TRIM36: variants seen among roughly 807,000 people sequenced by gnomAD.
TRIM36 encodes tripartite motif containing 36.
In TRIM36, 42 loss-of-function variants were observed where a neutral mutation model predicts 72.4. The observed-to-expected ratio is 0.58, with a 90% confidence interval of 0.45 to 0.75. The LOEUF (loss-of-function observed/expected upper bound fraction) is 0.75. Among genes scored for constraint, TRIM36 ranks in the 30% least tolerant of loss-of-function variants. The pLI is 0.00. For missense variants in TRIM36, 913 were observed against 857.1 expected, an observed-to-expected ratio of 1.07 and a Z score of -0.81; for synonymous variants, 315 against 282.8, an observed-to-expected ratio of 1.11 and a Z score of -1.14.
chr5:115,139,287 AT>A (rs552960488), intron 5 of TRIM36, among the ~76,000 whole-genome samples: 68 of 150,870 alleles, frequency 4.5e-4, no homozygotes, highest in African/African-American at 1.5e-3. Context: ...GGCCAGGCTA[AT>A]TTTTTTGTAT....
upstream of TRIM36, among the ~76,000 whole-genome samples, chr5:115,173,541 T>C (rs894511721): frequency 1.3e-5 from 2 of 151,488 alleles, no homozygotes; most frequent in African/African-American, 2.4e-5. Context: ...TGTGTGTGTG[T>C]GTGCGCGCAC....
upstream of TRIM36, chr5:115,171,187 C>T: frequency 1.2e-6 from 2 of 1,614,196 alleles, no homozygotes; most frequent in Non-Finnish European, 1.7e-6. Context: ...TCCCACAGCC[C>T]TGTCTGCAGC....
intron 2 of TRIM36, among the ~76,000 whole-genome samples, chr5:115,154,190 C>G (rs1369713214): frequency 1.4e-5 from 2 of 140,680 alleles, no homozygotes; most frequent in Admixed American, 1.6e-4. Context: ...AAAGGCAGTG[C>G]TAAGACGAAA....
intron 2 of TRIM36, 57 bp downstream of exon 2, chr5:115,163,461 A>C: frequency 1.4e-6 from 2 of 1,432,456 alleles, no homozygotes; most frequent in Non-Finnish European, 2.0e-6. Flanking sequence ...TTACCACTGA[A>C]TATATATCTA....
chr5:115,136,600 G>A (rs955338604), intron 7 of TRIM36, among the ~76,000 whole-genome samples: 1 of 151,812 alleles, frequency 6.6e-6, no homozygotes, highest in Non-Finnish European at 1.5e-5. Flanking sequence ...GCGACACAGC[G>A]TTGCTCATAA....
At chr5:115,129,979 A>T in intron 9 of TRIM36, among the ~76,000 whole-genome samples, 1 of 152,326 alleles carries the variant, frequency 6.6e-6, no homozygotes. Context: ...AATTTTCAGC[A>T]TTATATAAAT....
chr5:115,170,686 C>T (rs1755069256), upstream of TRIM36, among the ~76,000 whole-genome samples: 2 of 152,274 alleles, frequency 1.3e-5, no homozygotes, highest in South Asian at 4.1e-4. Context: ...CCCAGTAGCG[C>T]GGGGACCGCC....
chr5:115,166,013 G>A (rs1754757143), intron 1 of TRIM36, among the ~76,000 whole-genome samples: 1 of 152,178 alleles, frequency 6.6e-6, no homozygotes, highest in South Asian at 2.1e-4. Flanking sequence ...GAACGTGGGA[G>A]GGAGGCCAAG....
At chr5:115,154,266 C>T (rs1329091817) in intron 2 of TRIM36, among the ~76,000 whole-genome samples, 6 of 151,410 alleles carry the variant, frequency 4.0e-5, no homozygotes. Flanking sequence ...CTAAGGATAC[C>T]CCTCTAGAAA....
chr5:115,125,436 G>T lies in TRIM36; in HGVS notation c.*1067C>A, dbSNP rs141412241. On this transcript the variant is annotated 3_prime_UTR_variant, in exon 10 of 10. Transcript: ENST00000513154. ...TTTGTATTTTTACTTGCTTATATTA[G>T]AAATGCTTATTACCAATGAGAAACA... is the stretch of plus-strand genomic sequence containing the variant. 1,115 of 152,052 alleles carry T rather than the reference G, an allele frequency of 7.3e-3. 18 individuals carry two copies. The highest frequency in any genetic ancestry group is 0.026 in the African/African-American group (1,060 of 41,504). The allele number at this position is 152,052 out of a possible 1,614,324, so 9.4% of individuals were successfully genotyped here. A position where few individuals can be genotyped will look rare whatever the true frequency, so the allele number is the denominator to read the frequency against.
intron 2 of TRIM36, among the ~76,000 whole-genome samples, chr5:115,151,901 C>T (rs1185698341): frequency 6.6e-6 from 1 of 152,202 alleles, no homozygotes; most frequent in Non-Finnish European, 1.5e-5. Context: ...CCTAACATTT[C>T]CTCTGACAGA....
chr5:115,154,745 C>T (rs1054743614), intron 2 of TRIM36, among the ~76,000 whole-genome samples: 12 of 152,134 alleles, frequency 7.9e-5, no homozygotes, highest in Admixed American at 2.6e-4. Context: ...CAGCAGAATT[C>T]GACCAGACAT....
chr5:115,175,439 T>G (rs1203057620), intron 1 of TRIM36, among the ~76,000 whole-genome samples: 2 of 152,106 alleles, frequency 1.3e-5, no homozygotes. Flanking sequence ...CAACTAAAAT[T>G]CCTCTCCACC....
intron 2 of TRIM36, among the ~76,000 whole-genome samples, chr5:115,152,683 C>A (rs1172926591): frequency 6.6e-6 from 1 of 152,154 alleles, no homozygotes; most frequent in African/African-American, 2.4e-5. Flanking sequence ...AGAAACCCTA[C>A]AGGCTAGAAG....
chr5:115,166,094 C>T (rs942883870), intron 1 of TRIM36, among the ~76,000 whole-genome samples: 2 of 152,140 alleles, frequency 1.3e-5, no homozygotes, highest in African/African-American at 4.8e-5. Flanking sequence ...GCACCATGAA[C>T]AGCAGTGGGA....
exon 1 of TRIM36, chr5:115,180,047 C>T (rs371311743): frequency 2.4e-5 from 39 of 1,612,972 alleles, no homozygotes; most frequent in Non-Finnish European, 3.0e-5. Context: ...TGTTTACACC[C>T]CTTCACAAAC....
intron 2 of TRIM36, among the ~76,000 whole-genome samples, chr5:115,150,878 C>T (rs1446275358): frequency 6.6e-6 from 1 of 152,178 alleles, no homozygotes; most frequent in Non-Finnish European, 1.5e-5. Context: ...TGGGAAAACC[C>T]CTGGAAGCTC....
rs73780058 is a variant in TRIM36 at position 115,126,895 on chromosome 5, A to C, written c.1797-38T>G. ...ACAAAGCATCTGTATCTTCAACAAT[A>C]GATCTAAGTATCTTCAAAACATTTT... On this transcript the variant is annotated intron_variant, in intron 9 of 9. Coordinates refer to ENST00000513154, the MANE Select transcript of TRIM36 (RefSeq NM_001300759.2). The C allele has an allele frequency of 4.8e-3, 7,320 of 1,533,536 alleles. 139 individuals carry two copies. In the African/African-American group the frequency reaches 0.052, roughly 11 times the overall value. 95.0% of individuals were successfully genotyped at this position (1,533,536 alleles called of 1,614,324 possible).
rs1006282540 is a variant in TRIM36 at position 115,137,036 on chromosome 5, T to G, written c.1174A>C (p.Thr392Pro). 8 of 1,605,734 alleles carry G rather than the reference T, an allele frequency of 5.0e-6. No individual in the cohort carries two copies. The highest frequency in any genetic ancestry group is 6.8e-6 in the Non-Finnish European group (8 of 1,176,836). ...EDYVVNTSKQ[T>P]ELLGELSFFS... ...AAGGATAATTCTCCAAGAAGTTCTG[T>G]TTGTTTAGAGGTATTAACAACATAG... Residue 392 changes from threonine to proline, a missense_variant, in exon 7 of 10, where the codon ACA becomes CCA. Coordinates refer to ENST00000513154, the MANE Select transcript of TRIM36 (RefSeq NM_001300759.2).
Sources: allele counts gnomAD v4.1 joint callset (sites outside exome capture counted in the v4.1 genomes callset), GRCh38; gene constraint gnomAD v4.1.1; transcripts MANE v1.5; gene names NCBI Gene and HGNC (gene_info 2026-07-23, HGNC 2026-07-21).